Variants in LOC400499 observed in about 807,000 individuals in gnomAD.
chr16:11,460,405 C>T, the LOC400499 span: 1 of 1,440,928 alleles, frequency 6.9e-7, no homozygotes, highest in African/African-American at 1.4e-5. Context: ...GGGATGAGTT[C>T]AGGGTACTCA....
At chr16:11,421,664 A>C in the LOC400499 span, among the ~76,000 whole-genome samples, 2 of 152,286 alleles carry the variant, frequency 1.3e-5, no homozygotes, top group East Asian at 3.9e-4. Context: ...TCGGCCTCCC[A>C]AAGTATTGGG....
At chr16:11,392,708 G>T in the LOC400499 span, 1 of 907,392 alleles carries the variant, frequency 1.1e-6, no homozygotes, top group Non-Finnish European at 1.3e-6. Context: ...CAGTCAGTTA[G>T]GGATGCCATA....
At chr16:11,473,120 T>TAAATAAAC in the LOC400499 span, 2 of 150,344 alleles carry the variant, frequency 1.3e-5, no homozygotes, top group Non-Finnish European at 3.0e-5. Context: ...TATCTCAAAA[T>TAAATAAAC]AAATAAATAA....
At chr16:11,486,099 G>C in the LOC400499 span, among the ~76,000 whole-genome samples, 7 of 149,470 alleles carry the variant, frequency 4.7e-5, no homozygotes, top group Admixed American at 6.6e-5. Context: ...TGGACGGATA[G>C]ATGGATGAAT....
the LOC400499 span, chr16:11,460,326 G>C: frequency 9.5e-7 from 1 of 1,048,848 alleles, no homozygotes; most frequent in Non-Finnish European, 1.3e-6. Flanking sequence ...ACATAAGACT[G>C]AGACTGAAGT....
At chr16:11,442,826 T>A in the LOC400499 span, among the ~76,000 whole-genome samples, 1 of 152,164 alleles carries the variant, frequency 6.6e-6, no homozygotes, top group Non-Finnish European at 1.5e-5. Context: ...GCAAACACCA[T>A]CGGGAGCCAC....
the LOC400499 span, chr16:11,423,034 G>C: frequency 2.5e-6 from 1 of 397,266 alleles, no homozygotes; most frequent in Non-Finnish European, 4.4e-6. Flanking sequence ...GGCTTTTGAA[G>C]GAGGGGGACC....
chr16:11,416,074 G>C, the LOC400499 span, among the ~76,000 whole-genome samples: 1 of 151,592 alleles, frequency 6.6e-6, no homozygotes, highest in African/African-American at 2.4e-5. Context: ...TTGTGTCTCA[G>C]GCTCCTGAGT....
chr16:11,487,054 G>A, the LOC400499 span, among the ~76,000 whole-genome samples: 1 of 152,006 alleles, frequency 6.6e-6, no homozygotes, highest in Non-Finnish European at 1.5e-5. Context: ...GATGGAAGGA[G>A]GGAGGGAGGG....
the LOC400499 span, chr16:11,417,827 T>C: frequency 5.0e-6 from 2 of 398,802 alleles, no homozygotes; most frequent in Non-Finnish European, 8.8e-6. Flanking sequence ...CCATTGTGAA[T>C]GTCCACAGAG....
chr16:11,405,052 G>A, the LOC400499 span, among the ~76,000 whole-genome samples: 1 of 152,360 alleles, frequency 6.6e-6, no homozygotes, highest in African/African-American at 2.4e-5. Context: ...ATAATTTAAA[G>A]GAGAGGAGTA....
chr16:11,519,652 T>C, the LOC400499 span, among the ~76,000 whole-genome samples: 1 of 151,526 alleles, frequency 6.6e-6, no homozygotes, highest in Non-Finnish European at 1.5e-5. Context: ...ACCTTGAAAA[T>C]GTTATGTTAA....
the LOC400499 span, among the ~76,000 whole-genome samples, chr16:11,376,084 G>C: frequency 6.6e-6 from 1 of 152,180 alleles, no homozygotes; most frequent in East Asian, 1.9e-4. Flanking sequence ...GTTACATTGT[G>C]AGAGTGCTTT....
At chr16:11,493,063 C>A in the LOC400499 span, among the ~76,000 whole-genome samples, 4 of 152,032 alleles carry the variant, frequency 2.6e-5, no homozygotes, top group South Asian at 6.2e-4. Flanking sequence ...GGGCAATGTG[C>A]TGGGGAGGAG....
the LOC400499 span, among the ~76,000 whole-genome samples, chr16:11,453,777 G>A: frequency 6.6e-6 from 1 of 151,740 alleles, no homozygotes; most frequent in Non-Finnish European, 1.5e-5. Flanking sequence ...AGACCTGCCT[G>A]GGCAACATAC....
the LOC400499 span, chr16:11,447,024 C>G: frequency 8.0e-7 from 1 of 1,254,398 alleles, no homozygotes; most frequent in Non-Finnish European, 1.1e-6. Flanking sequence ...AGAGTTAAGA[C>G]TCTGCCACAG....
chr16:11,384,160 T>A, the LOC400499 span: 5 of 1,213,122 alleles, frequency 4.1e-6, no homozygotes, highest in Non-Finnish European at 3.1e-6. Context: ...GACTCTGCAG[T>A]GAGCAGCCCT....
the LOC400499 span, chr16:11,476,660 G>C: frequency 3.7e-6 from 1 of 269,502 alleles, no homozygotes; most frequent in Non-Finnish European, 5.8e-6. Context: ...ACACGCAGAC[G>C]TGATCACACA....
At chr16:11,474,244 G>A in the LOC400499 span, among the ~76,000 whole-genome samples, 9 of 152,184 alleles carry the variant, frequency 5.9e-5, no homozygotes, top group Non-Finnish European at 1.0e-4. Context: ...GGCTACAGGT[G>A]ATATGCAAAT....
Sources: allele counts gnomAD v4.1 joint callset (sites outside exome capture counted in the v4.1 genomes callset), GRCh38; gene constraint gnomAD v4.1.1; transcripts MANE v1.5.